VPS13D: variants seen among roughly 807,000 people sequenced by gnomAD.
The protein encoded by VPS13D is vacuolar protein sorting 13 homolog D.
A neutral mutation model predicts 461.9 loss-of-function variants in VPS13D; 187 were observed. The observed-to-expected ratio is 0.40, with a 90% CI of 0.36 to 0.46. The LOEUF (loss-of-function observed/expected upper bound fraction) is 0.46. Ranked by LOEUF, VPS13D falls within the 20% of genes least tolerant of loss-of-function variation. The probability of loss-of-function intolerance (pLI) is 0.60; values close to 1 mark genes in which losing one functional copy is unlikely to be tolerated. For synonymous variants in VPS13D, 1,951 were observed against 1,986.3 expected (o/e 0.98, Z 0.47); for missense variants, 4,711 against 5,364.9 (o/e 0.88, Z 3.81).
intron 20 of VPS13D, among the ~76,000 whole-genome samples, chr1:12,282,388 T>C (rs902624108): frequency 1.3e-5 from 2 of 152,296 alleles, no homozygotes; most frequent in Non-Finnish European, 2.9e-5. Context: ...ACGCCAGACT[T>C]TTGTCAACAC....
At chr1:12,386,377 G>C (rs1250818397) in intron 60 of VPS13D, 43 bp downstream of exon 60, 1 of 1,545,404 alleles carries the variant, frequency 6.5e-7, no homozygotes, top group African/African-American at 1.4e-5. Context: ...TTGTTTTCAT[G>C]CTGATCACCC....
chr1:12,482,325 G>A (rs896241179), intron 67 of VPS13D, among the ~76,000 whole-genome samples: 34 of 152,170 alleles, frequency 2.2e-4, no homozygotes, highest in African/African-American at 7.0e-4. Context: ...CCATTCTGAC[G>A]CCTTCTTTCT....
Position 12,299,500 on chromosome 1 carries a change from G to A in VPS13D, c.6216+116G>A. On this transcript the variant is annotated intron_variant, in intron 25 of 69. Coordinates refer to ENST00000620676, the MANE Select transcript of VPS13D (RefSeq NM_015378.4). The surrounding 1 kb of genome is among the most constrained non-coding windows in gnomAD (Gnocchi z 4.2). ...TTGCTATTACTTTTGTAGGGTATGTGGCTTGAAGAATTTTTTTTGGCATTT... is the reference window on the plus strand; with the variant it reads ...TTGCTATTACTTTTGTAGGGTATGTAGCTTGAAGAATTTTTTTTGGCATTT... The A allele has an allele frequency of 8.3e-7, 1 of 1,206,468 alleles. No individual in the cohort carries two copies. The highest frequency in any genetic ancestry group is 1.1e-6 in the Non-Finnish European group (1 of 899,330). 74.7% of individuals were successfully genotyped at this position (1,206,468 alleles called of 1,614,324 possible).
In VPS13D at chr1:12,292,262, C is replaced by CAAAAAA. The variant is rs766212937; in HGVS notation, c.5852+1157_5852+1162dup. 2.6e-3 allele frequency among the ~76,000 whole-genome samples: 32 copies of CAAAAAA among 12,198 alleles called. 4 individuals carry two copies. Among genetic ancestry groups the CAAAAAA allele is most frequent in the African/African-American group, 8.9e-3 (25 of 2,812 alleles). The allele number at this position is 12,198 out of a possible 152,430, so 8.0% of individuals were successfully genotyped here. A position where few individuals can be genotyped will look rare whatever the true frequency, so the allele number is the denominator to read the frequency against. ...GGGTGACAAGAGCGAAACTCCATCT[C>CAAAAAA]AAAAAAAAAAAAAAAAAAAAAAAAG... On this transcript the variant is annotated intron_variant, in intron 23 of 69. Coordinates refer to ENST00000620676, the MANE Select transcript of VPS13D (RefSeq NM_015378.4).
intron 68 of VPS13D, chr1:12,500,101 T>G: frequency 1.0e-6 from 1 of 985,372 alleles, no homozygotes; most frequent in Middle Eastern, 5.2e-4. Context: ...CCCGATGGAG[T>G]GAAAACCCCA....
At chr1:12,234,669 A>T (rs1640091198) in intron 2 of VPS13D, among the ~76,000 whole-genome samples, 2 of 152,172 alleles carry the variant, frequency 1.3e-5, no homozygotes, top group African/African-American at 4.8e-5. Flanking sequence ...GCCACAATGT[A>T]CCGACAGTGG....
At chr1:12,317,117 G>A (rs1315679289) in intron 30 of VPS13D, among the ~76,000 whole-genome samples, 4 of 150,068 alleles carry the variant, frequency 2.7e-5, no homozygotes, top group African/African-American at 9.8e-5. Context: ...GTTTCAATTA[G>A]AGAAACAATC....
rs767381784 is a variant in VPS13D at position 12,386,323 on chromosome 1, C to T, written c.11623C>T (p.Gln3875Ter). Residue 3875 changes from glutamine to a stop codon, truncating the protein, a stop_gained, in exon 60 of 70, where the codon CAG becomes TAG. Coordinates refer to ENST00000620676, the MANE Select transcript of VPS13D (RefSeq NM_015378.4). LOFTEE classifies it high-confidence loss of function. ...CAGTCACATGCTTGAACTCAGCATA[C>T]AGGATGTACAGGTAAGGGGGAAGTT... Reference protein sequence around the residue: ...ATSHMLELSIQDVQVDNQLIG... With the variant: ...ATSHMLELSI 1.2e-6 allele frequency: 2 copies of T among 1,605,382 alleles called. No homozygotes were observed. Among genetic ancestry groups the T allele is most frequent in the African/African-American group, 1.3e-5 (1 of 74,600 alleles).
At chr1:12,419,548 G>A (rs1644836456) in intron 65 of VPS13D, among the ~76,000 whole-genome samples, 1 of 151,888 alleles carries the variant, frequency 6.6e-6, no homozygotes, top group African/African-American at 2.4e-5. Context: ...AGGTGAAGCA[G>A]GTGTCTCACA....
At chr1:12,406,061 A>T (rs1034217152) in intron 63 of VPS13D, among the ~76,000 whole-genome samples, 1 of 151,674 alleles carries the variant, frequency 6.6e-6, no homozygotes, top group African/African-American at 2.4e-5. Flanking sequence ...GAACATTTTC[A>T]GGGCATTTTT....
chr1:12,260,719 A>G lies in VPS13D; in HGVS notation c.1137A>G (p.Glu379=), dbSNP rs767101690. ...AGGAAATGTGTCGGATTGAAGAGGA[A>G]CAGAGCTTTGAGGAATTGAAGATTT... ...DKEEMCRIEE[E]QSFEELKILR... is the part of the protein sequence containing the mutation. Residue 379 remains glutamate (E), a synonymous_variant, in exon 11 of 70, where the codon GAA becomes GAG. Coordinates refer to ENST00000620676, the MANE Select transcript of VPS13D (RefSeq NM_015378.4). The G allele has an allele frequency of 2.5e-6, 4 of 1,614,162 alleles. No individual in the cohort carries two copies. The highest frequency in any genetic ancestry group is 3.4e-6 in the Non-Finnish European group (4 of 1,180,012).
Position 12,271,124 on chromosome 1 carries a change from T to C in VPS13D, c.2103T>C (p.Ile701=). Residue 701 remains isoleucine (I), a splice_region_variant and synonymous_variant, in exon 17 of 70, where the codon ATT becomes ATC. Transcript: ENST00000620676. ...ATCGTTTGCTAGTGGGTGATTTCATTGTAAGTGGGCATCCATAAACACTCT... is the reference window on the plus strand; with the variant it reads ...ATCGTTTGCTAGTGGGTGATTTCATCGTAAGTGGGCATCCATAAACACTCT... The part of the protein sequence containing the change: ...TLDRLLVGDF[I]EESKRWTVRL... 6.2e-7 allele frequency: 1 copy of C among 1,613,974 alleles called. No individual in the cohort carries two copies. Among genetic ancestry groups the C allele is most frequent in the South Asian group, 1.1e-5 (1 of 91,074 alleles).
At chr1:12,364,626 A>C in intron 52 of VPS13D, among the ~76,000 whole-genome samples, 1 of 152,124 alleles carries the variant, frequency 6.6e-6, no homozygotes. Flanking sequence ...CACTTTCTCC[A>C]CAACCTCACC....
At position 12,244,242 on chromosome 1, in the gene VPS13D, C is replaced by T. The variant is rs1372951558; in HGVS notation, c.176-4C>T. 1 of 1,606,874 alleles carries T rather than the reference C, an allele frequency of 6.2e-7. No homozygotes were observed. The highest frequency in any genetic ancestry group is 1.1e-5 in the South Asian group (1 of 89,828). On this transcript the variant is annotated splice_region_variant and splice_polypyrimidine_tract_variant and intron_variant, in intron 3 of 69. Transcript: ENST00000620676. ...GGTGAACAAGACTTTCCTTCTCCTT[C>T]CAGGCTTCATTGGGAAAGTAACCCT...
At chr1:12,267,235 A>T (rs926835453) in intron 14 of VPS13D, among the ~76,000 whole-genome samples, 1 of 152,142 alleles carries the variant, frequency 6.6e-6, no homozygotes, top group African/African-American at 2.4e-5. Flanking sequence ...TTTTGCTCTG[A>T]TTTGGAAGAA....
chr1:12,498,317 A>G (rs1645987706), intron 68 of VPS13D, among the ~76,000 whole-genome samples: 1 of 152,124 alleles, frequency 6.6e-6, no homozygotes, highest in African/African-American at 2.4e-5. Context: ...CTTATTTGCC[A>G]TCTCCTTTAA....
At chr1:12,326,007 AT>A (rs1332635976) in intron 35 of VPS13D, among the ~76,000 whole-genome samples, 2 of 146,854 alleles carry the variant, frequency 1.4e-5, no homozygotes, top group African/African-American at 2.5e-5. Flanking sequence ...CTTTTTTAAA[AT>A]TTTTTTTGGG....
chr1:12,275,871 C>T lies in VPS13D; in HGVS notation c.2283C>T (p.Thr761=). ...GGGATGGGTCAGCATCTGAAGAGACCCAGTTTAGTGATGATGAATATAAGA... is the reference window on the plus strand; with the variant it reads ...GGGATGGGTCAGCATCTGAAGAGACTCAGTTTAGTGATGATGAATATAAGA... ...KSRDGSASEE[T]QFSDDEYKTP... is the part of the protein sequence containing the mutation. The change falls in exon 19 of 70, where the codon ACC becomes ACT. Residue 761 remains threonine, a synonymous_variant. Coordinates refer to ENST00000620676, the MANE Select transcript of VPS13D (RefSeq NM_015378.4). 6.2e-7 allele frequency: 1 copy of T among 1,612,328 alleles called. No individual in the cohort carries two copies. The highest frequency in any genetic ancestry group is 1.1e-5 in the South Asian group (1 of 90,842).
intron 13 of VPS13D, among the ~76,000 whole-genome samples, chr1:12,264,886 A>G (rs968999943): frequency 6.6e-6 from 1 of 152,238 alleles, no homozygotes; most frequent in Non-Finnish European, 1.5e-5. Context: ...GGAGAAGTCA[A>G]TGCCTGGCTT....
Sources: allele counts gnomAD v4.1 joint callset (sites outside exome capture counted in the v4.1 genomes callset), GRCh38; gene constraint gnomAD v4.1.1; non-coding constraint Gnocchi (gnomAD v3.1); transcripts MANE v1.5; gene names NCBI Gene and HGNC (gene_info 2026-07-23, HGNC 2026-07-21).